Variants in MTA1 observed in about 807,000 individuals in gnomAD.
MTA1 encodes the protein metastasis-associated protein MTA1.
A neutral mutation model predicts 97.0 loss-of-function variants in MTA1; 15 were observed. The observed-to-expected ratio is 0.15, with a 90% CI of 0.10 to 0.24. The LOEUF is 0.24. MTA1 is among the 10% of genes least tolerant of loss of function. MTA1 has a pLI of 1.00. For synonymous variants in MTA1, 435 were observed against 417.5 expected (o/e 1.04, Z -0.51); for missense variants, 709 against 1,015.1 (o/e 0.70, Z 4.10).
chr14:105,462,250 C>A (rs1033175597), intron 10 of MTA1, among the ~76,000 whole-genome samples: 33 of 152,188 alleles, frequency 2.2e-4, no homozygotes, highest in Non-Finnish European at 7.3e-5. Context: ...CTATCTGAAC[C>A]CTTATTTAAT....
At chr14:105,460,733 G>A (rs2083317259) in intron 9 of MTA1, 32 bp from the exon 10 acceptor site, 1 of 1,534,164 alleles carries the variant, frequency 6.5e-7, no homozygotes, top group African/African-American at 1.4e-5. Flanking sequence ...AAGCCACCTT[G>A]GCCCGGGTGA....
At chr14:105,450,352 G>A (rs782759205) in intron 6 of MTA1, 28 bp downstream of exon 6, 43 of 1,588,606 alleles carry the variant, frequency 2.7e-5, no homozygotes, top group African/African-American at 4.0e-5. Context: ...CTGGTCTGCC[G>A]CAGCCAGTCC....
intron 1 of MTA1, among the ~76,000 whole-genome samples, chr14:105,429,263 A>C (rs2082101468): frequency 6.6e-6 from 1 of 152,138 alleles, no homozygotes; most frequent in Non-Finnish European, 1.5e-5. Flanking sequence ...CAGCTGTCTT[A>C]TCAGGCTTGT....
At chr14:105,423,283 G>A (rs1159672987) in intron 1 of MTA1, among the ~76,000 whole-genome samples, 2 of 147,182 alleles carry the variant, frequency 1.4e-5, no homozygotes, top group Non-Finnish European at 3.0e-5. Flanking sequence ...GCAGAGGCGC[G>A]ATTTCGGCTC....
chr14:105,439,597 C>G (rs2082441597), intron 2 of MTA1, among the ~76,000 whole-genome samples: 1 of 152,218 alleles, frequency 6.6e-6, no homozygotes, highest in Non-Finnish European at 1.5e-5. Context: ...TCTCCTCCTC[C>G]TGGTTGGAGA....
intron 1 of MTA1, among the ~76,000 whole-genome samples, chr14:105,435,139 C>T (rs1447684568): frequency 6.6e-6 from 1 of 152,038 alleles, no homozygotes; most frequent in Non-Finnish European, 1.5e-5. Flanking sequence ...GAGGAAGTAC[C>T]CTTTAGTTCC....
At chr14:105,467,881 G>T (rs1211785564) in intron 18 of MTA1, 2 of 238,274 alleles carry the variant, frequency 8.4e-6, no homozygotes, top group African/African-American at 2.3e-5. Flanking sequence ...TGTAAAAAGC[G>T]GTTAACCAGC....
Position 105,422,251 on chromosome 14 carries a change from G to T in MTA1, c.28+2188G>T, listed in dbSNP as rs1471466442. Among the ~76,000 whole-genome samples the T allele has an allele frequency of 6.6e-6, 1 of 152,140 alleles. No individual in the cohort carries two copies. The highest frequency in any genetic ancestry group is 1.5e-5 in the Non-Finnish European group (1 of 68,032). ...CTTCTGGACCGGAACCCTGGGTTCC[G>T]GCAGGACCCCGGCAGAGCCCTGTGG... On this transcript the variant is annotated intron_variant, in intron 1 of 20. Coordinates refer to ENST00000331320, the MANE Select transcript of MTA1 (RefSeq NM_004689.4). The surrounding 1 kb of genome is among the most constrained non-coding windows in gnomAD (Gnocchi z 4.3).
rs1379729187 is a variant in MTA1 at position 105,470,645 on chromosome 14, GC to G, written c.*431del. The G allele has an allele frequency of 1.2e-5, 2 of 163,364 alleles. No homozygotes were observed. The highest frequency in any genetic ancestry group is 4.8e-5 in the African/African-American group (2 of 41,900). The allele number at this position is 163,364 out of a possible 1,614,324, so 10.1% of individuals were successfully genotyped here. ...CGGCCGCGGCCGGCCGAGCTGCCTGGCGGGGTTGGCCCTTGTCTTTTCAAGT... is the reference window on the plus strand; with the variant it reads ...CGGCCGCGGCCGGCCGAGCTGCCTGGGGGGTTGGCCCTTGTCTTTTCAAGT... On this transcript the variant is annotated 3_prime_UTR_variant, in exon 21 of 21. Coordinates refer to ENST00000331320, the MANE Select transcript of MTA1 (RefSeq NM_004689.4).
chr14:105,462,230 G>A (rs1020252331), intron 10 of MTA1, among the ~76,000 whole-genome samples: 2 of 105,380 alleles, frequency 1.9e-5, no homozygotes, highest in African/African-American at 3.5e-5. Flanking sequence ...CAGTGGACCA[G>A]ACTGAGGAAC....
rs2082280441 is a variant in MTA1, at chr14:105,434,719, T to A, written c.29-3953T>A. Among the ~76,000 whole-genome samples, 3 of 152,170 alleles carry A rather than the reference T, an allele frequency of 2.0e-5. No individual in the cohort carries two copies. In the South Asian group the frequency reaches 6.2e-4, roughly 31 times the overall value. On this transcript the variant is annotated intron_variant, in intron 1 of 20. Coordinates refer to ENST00000331320, the MANE Select transcript of MTA1 (RefSeq NM_004689.4). Reference sequence around the variant, plus strand: ...TAGCTCCATATTGGTCAGGCTGGTCTTGAACTCCCAACCTCAGGTGATCCG... The same window carrying A: ...TAGCTCCATATTGGTCAGGCTGGTCATGAACTCCCAACCTCAGGTGATCCG...
chr14:105,460,089 A>C (rs1233096506), intron 8 of MTA1, among the ~76,000 whole-genome samples: 1 of 27,444 alleles, frequency 3.6e-5, no homozygotes. Flanking sequence ...CGTGCTGCCC[A>C]TGGCCCCTGG....
chr14:105,423,314 G>A (rs1485711308), intron 1 of MTA1, among the ~76,000 whole-genome samples: 1 of 142,924 alleles, frequency 7.0e-6, no homozygotes. Flanking sequence ...CCGCCTCCCC[G>A]GCCCAAGCGA....
Position 105,470,073 on chromosome 14 carries a change from G to T in MTA1, c.2006G>T (p.Arg669Leu). The T allele has an allele frequency of 1.9e-6, 3 of 1,612,618 alleles. No homozygotes were observed. The highest frequency in any genetic ancestry group is 2.5e-6 in the Non-Finnish European group (3 of 1,179,870). ...YMATEETRKIRKLLSSSETKR... is the reference protein window; with the variant it reads ...YMATEETRKILKLLSSSETKR... ...ACCACCTCTGCCCACAGGAAGATCC[G>T]CAAGCTGCTCTCATCCTCGGAAACC... The change falls in exon 21 of 21, where the codon CGC (arginine) becomes CTC (leucine). Residue 669 changes from arginine to leucine, a missense_variant. Transcript: ENST00000331320.
chr14:105,460,466 G>A lies in MTA1; in HGVS notation c.753+9G>A. 6.2e-7 allele frequency: 1 copy of A among 1,603,682 alleles called. No individual in the cohort carries two copies. Among genetic ancestry groups the A allele is most frequent in the Non-Finnish European group, 8.5e-7 (1 of 1,175,908 alleles). ...CCCGAGACATCACCCTGGTAAGTGGGCCCAGGGCGGGACAGGTGAGACCTG... is the reference window on the plus strand; with the variant it reads ...CCCGAGACATCACCCTGGTAAGTGGACCCAGGGCGGGACAGGTGAGACCTG... On this transcript the variant is annotated intron_variant, in intron 9 of 20. Coordinates refer to ENST00000331320, the MANE Select transcript of MTA1 (RefSeq NM_004689.4).
Position 105,460,477 on chromosome 14 carries a change from G to C in MTA1, c.753+20G>C. 1 of 1,591,512 alleles carries C rather than the reference G, an allele frequency of 6.3e-7. No individual in the cohort carries two copies. Among genetic ancestry groups the C allele is most frequent in the East Asian group, 2.3e-5 (1 of 44,352 alleles). On this transcript the variant is annotated intron_variant, in intron 9 of 20. Coordinates refer to ENST00000331320, the MANE Select transcript of MTA1 (RefSeq NM_004689.4). ...ACCCTGGTAAGTGGGCCCAGGGCGG[G>C]ACAGGTGAGACCTGGGGTGGCCCAT...
intron 13 of MTA1, 86 bp from the exon 14 acceptor site, chr14:105,464,330 G>C: frequency 6.5e-7 from 1 of 1,547,628 alleles, no homozygotes; most frequent in Non-Finnish European, 8.8e-7. Flanking sequence ...GCGGGTGGGG[G>C]CGGCCGGCGT....
chr14:105,430,690 C>T (rs1200920779), intron 1 of MTA1, among the ~76,000 whole-genome samples: 2 of 151,684 alleles, frequency 1.3e-5, no homozygotes, highest in Non-Finnish European at 2.9e-5. Context: ...TAATTGGCAT[C>T]TAAACCAATC....
chr14:105,470,391 T>C lies in MTA1; in HGVS notation c.*176T>C. The C allele has an allele frequency of 1.8e-6, 1 of 543,210 alleles. No homozygotes were observed. The highest frequency in any genetic ancestry group is 3.0e-6 in the Non-Finnish European group (1 of 331,042). The allele number at this position is 543,210 out of a possible 1,614,324, so 33.6% of individuals were successfully genotyped here. A position where few individuals can be genotyped will look rare whatever the true frequency, so the allele number is the denominator to read the frequency against. On this transcript the variant is annotated 3_prime_UTR_variant, in exon 21 of 21. Transcript: ENST00000331320. ...GAGAGGAAGAAGCGCGGCTAACTTATTCCGAGAATGCCGAGGAGTTGTCGT... is the reference window on the plus strand; with the variant it reads ...GAGAGGAAGAAGCGCGGCTAACTTACTCCGAGAATGCCGAGGAGTTGTCGT...
Sources: gnomAD v4.1 joint callset for allele counts (sites outside exome capture counted in the v4.1 genomes callset) on GRCh38, gnomAD v4.1.1 for gene constraint, Gnocchi (gnomAD v3.1) non-coding constraint, MANE v1.5 for transcripts, NCBI Gene and HGNC (gene_info 2026-07-23, HGNC 2026-07-21) for gene names.